Variants in TYK2 observed in about 807,000 individuals in gnomAD.
TYK2 encodes the protein non-receptor tyrosine-protein kinase TYK2.
TYK2 carries 65 observed loss-of-function variants against 130.9 expected under a neutral mutation model. The ratio of observed to expected loss-of-function variants is 0.50; its 90% CI spans 0.41 to 0.61. TYK2 has a LOEUF of 0.61. TYK2 is among the 20% of genes least tolerant of loss of function. TYK2 has a pLI of 0.00. For synonymous variants in TYK2, 647 were observed against 658.9 expected, an observed-to-expected ratio of 0.98 and a Z score of 0.28; for missense variants, 1,378 against 1,610.7, an observed-to-expected ratio of 0.86 and a Z score of 2.47.
At position 10,365,057 on chromosome 19, in the gene TYK2, C is replaced by T; in HGVS notation, c.1012-9G>A. On this transcript the variant is annotated splice_polypyrimidine_tract_variant and intron_variant, in intron 7 of 24. Coordinates refer to ENST00000525621, the MANE Select transcript of TYK2 (RefSeq NM_003331.5). ...CTGCTGCCACTAGAACCCTGAACAC[C>T]CAGCAAGTGGGGCAGAGGATGGAGA... The T allele has an allele frequency of 6.3e-7, 1 of 1,599,262 alleles. No homozygotes were observed. Among genetic ancestry groups the T allele is most frequent in the Non-Finnish European group, 8.5e-7 (1 of 1,171,038 alleles).
At chr19:10,365,071 A>G (rs1231523666) in intron 7 of TYK2, 23 bp from the exon 8 acceptor site, 1 of 1,585,542 alleles carries the variant, frequency 6.3e-7, no homozygotes, top group Non-Finnish European at 8.6e-7. Flanking sequence ...CAAGTGGGGC[A>G]GAGGATGGAG....
intron 3 of TYK2, among the ~76,000 whole-genome samples, chr19:10,372,801 T>A (rs917525371): frequency 1.3e-5 from 2 of 151,958 alleles, no homozygotes; most frequent in African/African-American, 4.8e-5. Flanking sequence ...TTGACTGTGT[T>A]ATCAAATCAC....
chr19:10,377,324 GTGGATGGATGGA>G (rs59020787), intron 3 of TYK2, among the ~76,000 whole-genome samples: 8,670 of 135,508 alleles, frequency 0.064, 314 homozygotes, highest in African/African-American at 0.077. Flanking sequence ...GAATGAACGG[GTGGATGGATGGA>G]TGGATGGATG....
At chr19:10,358,294 GTTT>G (rs770531180) in intron 15 of TYK2, among the ~76,000 whole-genome samples, 156 bp from the exon 16 acceptor site, 6 of 91,432 alleles carry the variant, frequency 6.6e-5, no homozygotes, top group African/African-American at 2.2e-4. Context: ...TTTTTTTCTT[GTTT>G]TTTTTTTTTT....
In TYK2 at chr19:10,360,095, T is replaced by C. The variant is rs12720284; in HGVS notation, c.2048-793A>G. ...TATTCGGGAGGCTGAGGCAGGAGAA[T>C]TGCTTGAACCCGGGAGGCGGAGGTT... On this transcript the variant is annotated intron_variant, in intron 14 of 24. Transcript: ENST00000525621. Among the ~76,000 whole-genome samples, 1,442 of 151,714 alleles carry C rather than the reference T, an allele frequency of 9.5e-3. 19 individuals are homozygous for C. Among genetic ancestry groups the C allele is most frequent in the African/African-American group, 0.033 (1,374 of 41,328 alleles).
rs142642403 is a variant in TYK2 at position 10,365,880 on chromosome 19, C to T, written c.648G>A (p.Pro216=). 4.4e-4 allele frequency: 708 copies of T among 1,610,626 alleles called. No homozygotes were observed. Among genetic ancestry groups the T allele is most frequent in the Non-Finnish European group, 5.4e-4 (642 of 1,178,818 alleles). ...GCCGGATATGCCGGCGGAAGGAGCG[C>T]GGGATGCAGTCCTTGAAGCTGGGGG... ...AKKTSFKDCI[P]RSFRRHIRQH... Residue 216 remains proline, a synonymous_variant, in exon 7 of 25, where the codon CCG becomes CCA. Coordinates refer to ENST00000525621, the MANE Select transcript of TYK2 (RefSeq NM_003331.5).
At chr19:10,352,320 C>T (rs1178269274) in intron 23 of TYK2, 114 bp downstream of exon 23, 1 of 771,080 alleles carries the variant, frequency 1.3e-6, no homozygotes, top group Non-Finnish European at 2.3e-6. Flanking sequence ...GATCCGCCCG[C>T]CTCGGCCTCC....
Position 10,356,865 on chromosome 19 carries a change from A to G in TYK2, c.2467-147T>C, listed in dbSNP as rs2041129692. ...ACAGATGAGGCAACTGAGGCTCCAC[A>G]AAGTGGGAGGACGTGCTCACAGCCG... On this transcript the variant is annotated intron_variant, in intron 17 of 24. Coordinates refer to ENST00000525621, the MANE Select transcript of TYK2 (RefSeq NM_003331.5). The G allele has an allele frequency of 7.4e-6, 6 of 816,198 alleles. No homozygotes were observed. The South Asian group carries it at 7.6e-5, about 10-fold the overall frequency. 50.6% of individuals were successfully genotyped at this position (816,198 alleles called of 1,614,324 possible).
chr19:10,377,400 G>A lies in TYK2; in HGVS notation c.193+814C>T, dbSNP rs375419097. On this transcript the variant is annotated intron_variant, in intron 3 of 24. Coordinates refer to ENST00000525621, the MANE Select transcript of TYK2 (RefSeq NM_003331.5). ...GATGGATGAATAGGTGGGTGGGTGG[G>A]TGGATGGATGGATGGATGGATGGAT... is the stretch of plus-strand genomic sequence containing the variant. Among the ~76,000 whole-genome samples, 405 of 105,306 alleles carry A rather than the reference G, an allele frequency of 3.8e-3. 4 individuals carry two copies. Among genetic ancestry groups the A allele is most frequent in the African/African-American group, 0.013 (328 of 25,424 alleles). 69.1% of individuals were successfully genotyped at this position (105,306 alleles called of 152,430 possible). A position where few individuals can be genotyped will look rare whatever the true frequency, so the allele number is the denominator to read the frequency against.
At position 10,353,498 on chromosome 19, in the gene TYK2, G is replaced by T. The variant is rs746663364; in HGVS notation, c.3027+30C>A. The T allele has an allele frequency of 2.8e-6, 4 of 1,449,838 alleles. No homozygotes were observed. Among genetic ancestry groups the T allele is most frequent in the Non-Finnish European group, 2.8e-6 (3 of 1,085,402 alleles). 89.8% of individuals were successfully genotyped at this position (1,449,838 alleles called of 1,614,324 possible). A position where few individuals can be genotyped will look rare whatever the true frequency, so the allele number is the denominator to read the frequency against. Reference sequence around the variant, plus strand: ...GCCCAAGCTGAAGAGGAAGGGGCAAGCTCCAGAAGCAGGGGCGGGGCCGAC... The same window carrying T: ...GCCCAAGCTGAAGAGGAAGGGGCAATCTCCAGAAGCAGGGGCGGGGCCGAC... On this transcript the variant is annotated intron_variant, in intron 21 of 24. Transcript: ENST00000525621. The surrounding 1 kb of genome is among the most constrained non-coding windows in gnomAD (Gnocchi z 6.9).
Position 10,353,244 on chromosome 19 carries a change from G to A in TYK2, c.3028-146C>T. On this transcript the variant is annotated intron_variant, in intron 21 of 24. Coordinates refer to ENST00000525621, the MANE Select transcript of TYK2 (RefSeq NM_003331.5). The surrounding 1 kb of genome is among the most constrained non-coding windows in gnomAD (Gnocchi z 6.9). ...GCTGGAGAGGGCCGGATGGCACGTGGCACCAAGCAAAAGGAGGCTGAGCCA... is the reference window on the plus strand; with the variant it reads ...GCTGGAGAGGGCCGGATGGCACGTGACACCAAGCAAAAGGAGGCTGAGCCA... 2 of 662,238 alleles carry A rather than the reference G, an allele frequency of 3.0e-6. No homozygotes were observed. The highest frequency in any genetic ancestry group is 4.7e-6 in the Non-Finnish European group (2 of 421,250). The allele number at this position is 662,238 out of a possible 1,614,324, so 41.0% of individuals were successfully genotyped here.
At chr19:10,356,753 T>C (rs753810319) in intron 17 of TYK2, 35 bp from the exon 18 acceptor site, 7 of 1,567,722 alleles carry the variant, frequency 4.5e-6, no homozygotes, top group South Asian at 1.2e-5. Context: ...GTCAACATCC[T>C]CCCCTCGCCC....
intron 3 of TYK2, among the ~76,000 whole-genome samples, chr19:10,377,615 G>A (rs1467617235): frequency 4.2e-5 from 3 of 71,832 alleles, no homozygotes; most frequent in South Asian, 5.9e-4. Context: ...TGGGTGGATG[G>A]ATGGGTGGAT....
chr19:10,375,513 C>A (rs1473774038), intron 3 of TYK2, among the ~76,000 whole-genome samples: 4 of 151,496 alleles, frequency 2.6e-5, no homozygotes, highest in African/African-American at 7.3e-5. Flanking sequence ...GCTACTCAGG[C>A]GGCTGAGGCA....
chr19:10,357,332 T>A (rs1260819169), intron 17 of TYK2: 1 of 604,642 alleles, frequency 1.7e-6, no homozygotes, highest in African/African-American at 1.8e-5. Flanking sequence ...GAGGTTGCAG[T>A]GAGCTGAGAT....
Position 10,361,773 on chromosome 19 carries a change from G to A in TYK2, c.1956C>T (p.Ala652=). The A allele has an allele frequency of 6.2e-7, 1 of 1,613,242 alleles. No individual in the cohort carries two copies. Among genetic ancestry groups the A allele is most frequent in the South Asian group, 1.1e-5 (1 of 91,066 alleles). ...AGGCCTGGCCCTGCCCACTCACCAG[G>A]GCGATGTCATGGTGACTAGGGTCCA... ...KVLDPSHHDI[A]LAFYETASLM... is the part of the protein sequence containing the mutation. Residue 652 remains alanine, a synonymous_variant, in exon 13 of 25, where the codon GCC becomes GCT. Coordinates refer to ENST00000525621, the MANE Select transcript of TYK2 (RefSeq NM_003331.5). The surrounding 1 kb of genome is among the most constrained non-coding windows in gnomAD (Gnocchi z 4.0).
intron 3 of TYK2, among the ~76,000 whole-genome samples, chr19:10,376,007 CTT>C (rs898207480): frequency 2.2e-5 from 3 of 134,604 alleles, no homozygotes; most frequent in Admixed American, 7.5e-5. Flanking sequence ...GCCTTTCTTT[CTT>C]TTTTTTTTTT....
chr19:10,351,253 G>A (rs1348483140), intron 23 of TYK2, 91 bp from the exon 24 acceptor site: 1 of 986,462 alleles, frequency 1.0e-6, no homozygotes, highest in Non-Finnish European at 1.6e-6. Flanking sequence ...TTGGAAGGCT[G>A]AGGTGGGTGG....
chr19:10,351,226 C>T (rs2040788212), intron 23 of TYK2, 64 bp from the exon 24 acceptor site: 4 of 1,339,996 alleles, frequency 3.0e-6, no homozygotes, highest in Non-Finnish European at 4.2e-6. Flanking sequence ...GTGGCTCATG[C>T]CTGTAATCCC....
Sources: allele counts gnomAD v4.1 joint callset (sites outside exome capture counted in the v4.1 genomes callset), GRCh38; gene constraint gnomAD v4.1.1; non-coding constraint Gnocchi (gnomAD v3.1); transcripts MANE v1.5; gene names NCBI Gene and HGNC (gene_info 2026-07-23, HGNC 2026-07-21).